BBS10: variants seen among roughly 807,000 people sequenced by gnomAD.
The protein encoded by BBS10 is Bardet-Biedl syndrome 10.
A neutral mutation model predicts 12.7 loss-of-function variants in BBS10; 13 were observed. That is an observed-to-expected ratio of 1.03 (90% CI 0.67 to 1.63). The LOEUF is 1.63. BBS10 is among the 40% of genes most tolerant of loss of function. BBS10 has a pLI of 0.00. For synonymous variants in BBS10, 294 were observed against 304.8 expected, an observed-to-expected ratio of 0.96 and a Z score of 0.37; for missense variants, 858 against 858.0, an observed-to-expected ratio of 1.00 and a Z score of 0.00.
chr12:76,348,359 A>ATC lies in BBS10; in HGVS notation c.-3_-2dup. ...CTGCAGCGGCCATAGAACTTAACAT[A>ATC]TCTGGGCCGCTTCCCCTTTTTGACC... On this transcript the variant is annotated 5_prime_UTR_variant, in exon 1 of 2. Transcript: ENST00000650064. 1 of 1,578,786 alleles carries ATC rather than the reference A, an allele frequency of 6.3e-7. No individual in the cohort carries two copies. Among genetic ancestry groups the ATC allele is most frequent in the Non-Finnish European group, 8.6e-7 (1 of 1,162,144 alleles).
chr12:76,346,391 T>A lies in BBS10; in HGVS notation c.1594A>T (p.Arg532Trp). The A allele has an allele frequency of 6.2e-7, 1 of 1,614,140 alleles. No homozygotes were observed. Among genetic ancestry groups the A allele is most frequent in the Non-Finnish European group, 8.5e-7 (1 of 1,179,952 alleles). Residue 532 changes from arginine (R) to tryptophan (W), a missense_variant, in exon 2 of 2, where the codon AGG becomes TGG. Arg to Trp is a moderately radical substitution (Grantham distance 101, BLOSUM62 -3). Coordinates refer to ENST00000650064, the MANE Select transcript of BBS10 (RefSeq NM_024685.4). ...AATGGTTCATAATAATCAGTTAGCCTGTTTCTTTCCAAAGACAAACATGTC... is the reference window on the plus strand; with the variant it reads ...AATGGTTCATAATAATCAGTTAGCCAGTTTCTTTCCAAAGACAAACATGTC... ...TLTCLSLERN[R>W]LTDYYEPLLK...
In BBS10 at chr12:76,347,126, G is replaced by A. The variant is rs764854821; in HGVS notation, c.859C>T (p.Gln287Ter). Residue 287 changes from glutamine to a stop codon, truncating the protein, a stop_gained, in exon 2 of 2, where the codon CAA becomes TAA. Transcript: ENST00000650064. LOFTEE classifies it low-confidence loss of function (END_TRUNC). The part of the protein sequence containing the change: ...LNSEAQFQTS[Q>*]FWIMEKTKAI... ...TTTGTCTTTTCCATAATCCAAAATT[G>A]AGATGTCTGAAACTGTGCTTCTGAA... 1.9e-6 allele frequency: 3 copies of A among 1,611,944 alleles called. No homozygotes were observed. The South Asian group carries it at 3.3e-5, about 18-fold the overall frequency.
Position 76,346,323 on chromosome 12 carries a change from T to C in BBS10, c.1662A>G (p.Arg554=). Residue 554 remains arginine (R), a synonymous_variant, in exon 2 of 2, where the codon AGA becomes AGG. Transcript: ENST00000650064. ...GTAAATTTTCGTAAGAAATTTCTAT[T>C]CTATTTCCCCTTGTTGAATAAGCAG... is the stretch of plus-strand genomic sequence containing the variant. The part of the protein sequence containing the change: ...NSTAYSTRGN[R]IEISYENLQV... 6.2e-7 allele frequency: 1 copy of C among 1,614,006 alleles called. No individual in the cohort carries two copies. The highest frequency in any genetic ancestry group is 8.5e-7 in the Non-Finnish European group (1 of 1,179,954).
Position 76,347,317 on chromosome 12 carries a change from A to G in BBS10, c.668T>C (p.Val223Ala). 1 of 1,614,072 alleles carries G rather than the reference A, an allele frequency of 6.2e-7. No homozygotes were observed. ...TGAAACAGGAAGGCCAGTGACACCA[A>G]CATTCAACTCTACAAAATGGTCATC... ...LVDDHFVELN[V>A]GVTGLPVSDS... Residue 223 changes from valine (V) to alanine (A), a missense_variant, in exon 2 of 2, where the codon GTT becomes GCT. Val to Ala is a moderately conservative substitution (Grantham distance 64). Transcript: ENST00000650064.
chr12:76,347,000 A>G lies in BBS10; in HGVS notation c.985T>C (p.Ser329Pro). Residue 329 changes from serine to proline, a missense_variant, in exon 2 of 2, where the codon TCA (serine) becomes CCA (proline). By Grantham distance (74) the Ser-to-Pro change is moderately conservative (BLOSUM62 -1). Coordinates refer to ENST00000650064, the MANE Select transcript of BBS10 (RefSeq NM_024685.4). ...VSYYAGVNGI[S>P]VVECLSSEEV... ...TCTGATGATAAACACTCAACCACTG[A>G]TATGCCATTCACCCCTGCATAATAA... 6.2e-7 allele frequency: 1 copy of G among 1,612,008 alleles called. No individual in the cohort carries two copies.
In BBS10 at chr12:76,345,572, G is replaced by A. The variant is rs1951751527; in HGVS notation, c.*241C>T. The A allele has an allele frequency of 1.1e-5, 5 of 474,316 alleles. No homozygotes were observed. The Admixed American group carries it at 1.3e-4, about 13-fold the overall frequency. 29.4% of individuals were successfully genotyped at this position (474,316 alleles called of 1,614,324 possible). A position where few individuals can be genotyped will look rare whatever the true frequency, so the allele number is the denominator to read the frequency against. Reference sequence around the variant, plus strand: ...GCTAACACAGAGCTGAGACACAGAGGCATAAAATAGGGAAAAAACAGACAC... The same window carrying A: ...GCTAACACAGAGCTGAGACACAGAGACATAAAATAGGGAAAAAACAGACAC... On this transcript the variant is annotated 3_prime_UTR_variant, in exon 2 of 2. Coordinates refer to ENST00000650064, the MANE Select transcript of BBS10 (RefSeq NM_024685.4).
chr12:76,346,937 G>T lies in BBS10; in HGVS notation c.1048C>A (p.Pro350Thr), dbSNP rs1303507089. The part of the protein sequence containing the change: ...SLIRRIIGLS[P>T]FVPPQAFSQC... Reference sequence around the variant, plus strand: ...GAAAAGGCCTGTGGTGGTACAAATGGAGAAAGACCAATGATCCTCCGGATA... The same window carrying T: ...GAAAAGGCCTGTGGTGGTACAAATGTAGAAAGACCAATGATCCTCCGGATA... Residue 350 changes from proline (P) to threonine (T), a missense_variant, in exon 2 of 2, where the codon CCA (proline) becomes ACA (threonine). Pro to Thr is a conservative substitution (Grantham distance 38). Coordinates refer to ENST00000650064, the MANE Select transcript of BBS10 (RefSeq NM_024685.4). 11 of 1,611,222 alleles carry T rather than the reference G, an allele frequency of 6.8e-6. No homozygotes were observed. The highest frequency in any genetic ancestry group is 2.7e-5 in the African/African-American group (2 of 74,908).
rs775386507 is a variant in BBS10, at chr12:76,347,086, T to G, written c.899A>C (p.His300Pro). The change falls in exon 2 of 2, where the codon CAT becomes CCT. Residue 300 changes from histidine to proline, a missense_variant. Transcript: ENST00000650064. ...IMEKTKAIMK[H>P]LHSQNVKLLI... ...CAATTTTACATTCTGACTATGTAGA[T>G]GTTTCATTATTGCTTTTGTCTTTTC... 2.5e-6 allele frequency: 4 copies of G among 1,613,120 alleles called. No individual in the cohort carries two copies. Among genetic ancestry groups the G allele is most frequent in the Non-Finnish European group, 3.4e-6 (4 of 1,179,808 alleles).
rs77565309 is a variant in BBS10, at chr12:76,346,440, A to G, written c.1545T>C (p.Asp515=). The G allele has an allele frequency of 2.3e-3, 3,644 of 1,614,148 alleles. 151 individuals are homozygous for G. The East Asian group carries it at 0.072, about 32-fold the overall frequency. ...PYSTPTLTPT[D]TFQTVETLTC... is the part of the protein sequence containing the mutation. Reference sequence around the variant, plus strand: ...TCAGCGTTTCAACTGTTTGGAATGTATCTGTTGGTGTCAGTGTGGGGGTTG... The same window carrying G: ...TCAGCGTTTCAACTGTTTGGAATGTGTCTGTTGGTGTCAGTGTGGGGGTTG... The change falls in exon 2 of 2, where the codon GAT becomes GAC. Residue 515 remains aspartate (D), a synonymous_variant. Coordinates refer to ENST00000650064, the MANE Select transcript of BBS10 (RefSeq NM_024685.4).
chr12:76,345,618 C>T lies in BBS10; in HGVS notation c.*195G>A. 2 of 573,168 alleles carry T rather than the reference C, an allele frequency of 3.5e-6. No homozygotes were observed. Among genetic ancestry groups the T allele is most frequent in the African/African-American group, 1.9e-5 (1 of 53,312 alleles). The allele number at this position is 573,168 out of a possible 1,614,324, so 35.5% of individuals were successfully genotyped here. On this transcript the variant is annotated 3_prime_UTR_variant, in exon 2 of 2. Coordinates refer to ENST00000650064, the MANE Select transcript of BBS10 (RefSeq NM_024685.4). ...GACACACTTAGCCAAATCTTGGCTT[C>T]CCCTCTAGATTTGTTCCATAAAGTA...
In BBS10 at chr12:76,346,585, C is replaced by T. The variant is rs1022090476; in HGVS notation, c.1400G>A (p.Arg467Lys). Reference protein sequence around the residue: ...APDPGNGSIQRPYQDTVAENK... With the variant: ...APDPGNGSIQKPYQDTVAENK... The stretch of plus-strand genomic sequence containing the variant: ...CTCTGCAACTGTGTCCTGATAAGGC[C>T]TTTGTATTGAGCCATTACCAGGATC... Residue 467 changes from arginine to lysine, a missense_variant, in exon 2 of 2, where the codon AGG (arginine) becomes AAG (lysine). Arg to Lys is a conservative substitution (Grantham distance 26). Transcript: ENST00000650064. 3.7e-6 allele frequency: 6 copies of T among 1,613,910 alleles called. No homozygotes were observed. The Admixed American group carries it at 8.3e-5, about 22-fold the overall frequency.
rs753300319 is a variant in BBS10, at chr12:76,347,283, C to T, written c.702G>A (p.Arg234=). The T allele has an allele frequency of 1.2e-6, 2 of 1,613,744 alleles. No homozygotes were observed. Among genetic ancestry groups the T allele is most frequent in the Non-Finnish European group, 1.7e-6 (2 of 1,180,022 alleles). Residue 234 remains arginine (R), a synonymous_variant, in exon 2 of 2, where the codon AGG becomes AGA. Coordinates refer to ENST00000650064, the MANE Select transcript of BBS10 (RefSeq NM_024685.4). ...TCTGAAGCACAAGACCAGCTATGAT[C>T]CTGGAATCTGAAACAGGAAGGCCAG... The part of the protein sequence containing the change: ...GVTGLPVSDS[R]IIAGLVLQKD...
chr12:76,346,535 G>C lies in BBS10; in HGVS notation c.1450C>G (p.Gln484Glu). The C allele has an allele frequency of 6.2e-7, 1 of 1,614,052 alleles. No individual in the cohort carries two copies. Among genetic ancestry groups the C allele is most frequent in the South Asian group, 1.1e-5 (1 of 91,072 alleles). The change falls in exon 2 of 2, where the codon CAA (glutamine) becomes GAA (glutamate). Residue 484 changes from glutamine to glutamate, a missense_variant. Physicochemically the swap from Gln to Glu is conservative, Grantham distance 29 (BLOSUM62 2). Transcript: ENST00000650064. Reference sequence around the variant, plus strand: ...TTAGAATGTACTTTTAAATATGTTTGAGTTTTTTCCAATGCATCTTTGTTC... The same window carrying C: ...TTAGAATGTACTTTTAAATATGTTTCAGTTTTTTCCAATGCATCTTTGTTC... ...AENKDALEKT[Q>E]TYLKVHSNLV...
chr12:76,345,847 T>C lies in BBS10; in HGVS notation c.2138A>G (p.Lys713Arg). The C allele has an allele frequency of 6.2e-7, 1 of 1,613,844 alleles. No homozygotes were observed. Among genetic ancestry groups the C allele is most frequent in the East Asian group, 2.2e-5 (1 of 44,872 alleles). ...MVITVKRHPQ[K>R]VHNQDSEDEL Reference sequence around the variant, plus strand: ...ATCTTCTGAATCTTGATTGTGAACTTTCTGAGGGTGTCTCTTAACAGTGAT... The same window carrying C: ...ATCTTCTGAATCTTGATTGTGAACTCTCTGAGGGTGTCTCTTAACAGTGAT... Residue 713 changes from lysine to arginine, a missense_variant, in exon 2 of 2, where the codon AAA becomes AGA. Coordinates refer to ENST00000650064, the MANE Select transcript of BBS10 (RefSeq NM_024685.4).
chr12:76,345,128 A>G lies in BBS10; in HGVS notation c.*685T>C, dbSNP rs1951749152. ...CTAGTATTAACCTTTTACTACAGAA[A>G]TGAAAGAGTTAACAATGCACAGTTA... is the stretch of plus-strand genomic sequence containing the variant. On this transcript the variant is annotated 3_prime_UTR_variant, in exon 2 of 2. Coordinates refer to ENST00000650064, the MANE Select transcript of BBS10 (RefSeq NM_024685.4). 6.6e-6 allele frequency: 1 copy of G among 152,218 alleles called. No homozygotes were observed. Among genetic ancestry groups the G allele is most frequent in the Non-Finnish European group, 1.5e-5 (1 of 68,024 alleles). 9.4% of individuals were successfully genotyped at this position (152,218 alleles called of 1,614,324 possible). A position where few individuals can be genotyped will look rare whatever the true frequency, so the allele number is the denominator to read the frequency against.
In BBS10 at chr12:76,348,224, C is replaced by T; in HGVS notation, c.135G>A (p.Val45=). The T allele has an allele frequency of 1.9e-6, 3 of 1,613,826 alleles. No individual in the cohort carries two copies. The highest frequency in any genetic ancestry group is 2.5e-6 in the Non-Finnish European group (3 of 1,179,752). ...GGCGGCCTCCATTCCGGCTGAGAAG[C>T]ACCTCGCCAGTGGGCTTCGTACACA... ...QVLCTKPTGE[V]LLSRNGGRLL... is the part of the protein sequence containing the mutation. Residue 45 remains valine (V), a synonymous_variant, in exon 1 of 2, where the codon GTG becomes GTA. Transcript: ENST00000650064.
At chr12:76,348,093 A>T (rs1218734770) in intron 1 of BBS10, 69 bp downstream of exon 1, 11 of 1,514,738 alleles carry the variant, frequency 7.3e-6, no homozygotes, top group Non-Finnish European at 9.8e-6. Flanking sequence ...TCGCCTCAGG[A>T]TGGGACAAGA....
rs994327877 is a variant in BBS10 at position 76,344,496 on chromosome 12, C to A, written c.*1317G>T. The A allele has an allele frequency of 5.3e-5, 8 of 152,018 alleles. No homozygotes were observed. The highest frequency in any genetic ancestry group is 7.2e-5 in the African/African-American group (3 of 41,400). The allele number at this position is 152,018 out of a possible 1,614,324, so 9.4% of individuals were successfully genotyped here. A position where few individuals can be genotyped will look rare whatever the true frequency, so the allele number is the denominator to read the frequency against. ...TTATGCAGCAGTTTTAAAGTTCATTCATCCATGAATTCAGCAAAAGAGCTA... is the reference window on the plus strand; with the variant it reads ...TTATGCAGCAGTTTTAAAGTTCATTAATCCATGAATTCAGCAAAAGAGCTA... On this transcript the variant is annotated 3_prime_UTR_variant, in exon 2 of 2. Coordinates refer to ENST00000650064, the MANE Select transcript of BBS10 (RefSeq NM_024685.4).
chr12:76,347,920 T>G (rs1013739266), intron 1 of BBS10, 133 bp from the exon 2 acceptor site: 11 of 1,123,364 alleles, frequency 9.8e-6, no homozygotes, highest in Middle Eastern at 2.9e-4. Context: ...TTTCCTTTCT[T>G]GGAAAAAACT....
Sources: gnomAD v4.1 joint callset for allele counts on GRCh38, gnomAD v4.1.1 for gene constraint, MANE v1.5 for transcripts, NCBI Gene and HGNC (gene_info 2026-07-23, HGNC 2026-07-21) for gene names.